The following VSIG10L2 variants were observed in gnomAD, a reference collection of about 807,000 sequenced individuals.
VSIG10L2 encodes the protein V-set and immunoglobulin domain-containing protein 10-like 2.
VSIG10L2 carries 56 observed loss-of-function variants against 67.1 expected under a neutral mutation model. The ratio of observed to expected loss-of-function variants is 0.83; its 90% CI spans 0.67 to 1.04. VSIG10L2 has a LOEUF of 1.04. Among genes scored for constraint, VSIG10L2 ranks in the 50% least tolerant of loss-of-function variants. The pLI, the probability that VSIG10L2 is intolerant of heterozygous loss-of-function variation, is 0.00. For synonymous variants in VSIG10L2, 360 were observed against 396.6 expected (o/e 0.91, Z 1.10); for missense variants, 843 against 932.8 (o/e 0.90, Z 1.25).
In VSIG10L2 at chr11:125,951,752, G is replaced by A; in HGVS notation, c.1235-61G>A. 5 of 1,424,414 alleles carry A rather than the reference G, an allele frequency of 3.5e-6. No individual in the cohort carries two copies. In the South Asian group the frequency reaches 4.4e-5, roughly 13 times the overall value. The allele number at this position is 1,424,414 out of a possible 1,614,324, so 88.2% of individuals were successfully genotyped here. A position where few individuals can be genotyped will look rare whatever the true frequency, so the allele number is the denominator to read the frequency against. On this transcript the variant is annotated intron_variant, in intron 5 of 11. Coordinates refer to ENST00000686984, the MANE Select transcript of VSIG10L2 (RefSeq NM_001365077.2). ...GGAACCAATGAAGGAAGGGGGATAG[G>A]GTGGAACTGCCAAGCCCTTCCTCCT...
In VSIG10L2 at chr11:125,956,032, C is replaced by T; in HGVS notation, c.*118C>T. ...GCTAAGACACCAACTACCACTTTCA[C>T]TTAATACCCAGTCTTCACAACTGGT... On this transcript the variant is annotated 3_prime_UTR_variant, in exon 12 of 12. Transcript: ENST00000686984. 1 of 673,382 alleles carries T rather than the reference C, an allele frequency of 1.5e-6. No homozygotes were observed. The highest frequency in any genetic ancestry group is 2.7e-6 in the Non-Finnish European group (1 of 371,768). 41.7% of individuals were successfully genotyped at this position (673,382 alleles called of 1,614,324 possible).
chr11:125,948,545 G>A lies in VSIG10L2; in HGVS notation c.674G>A (p.Arg225Lys). ...TGCAGCGCCAGCAACTCCGTGAACAGGCTGAGCAGTGACGGGGCCTTCCTG... is the reference window on the plus strand; with the variant it reads ...TGCAGCGCCAGCAACTCCGTGAACAAGCTGAGCAGTGACGGGGCCTTCCTG... ...YMCSASNSVNRLSSDGAFLDV... is the reference protein window; with the variant it reads ...YMCSASNSVNKLSSDGAFLDV... Residue 225 changes from arginine to lysine, a missense_variant, in exon 3 of 12, where the codon AGG becomes AAG. Transcript: ENST00000686984. The A allele has an allele frequency of 3.2e-6, 4 of 1,232,258 alleles. No homozygotes were observed. The highest frequency in any genetic ancestry group is 4.0e-6 in the Non-Finnish European group (4 of 988,048). 76.3% of individuals were successfully genotyped at this position (1,232,258 alleles called of 1,614,324 possible). A position where few individuals can be genotyped will look rare whatever the true frequency, so the allele number is the denominator to read the frequency against.
rs12797894 is a variant in VSIG10L2, at chr11:125,951,868, C to T, written c.1290C>T (p.Phe430=). The T allele has an allele frequency of 0.21, 315,842 of 1,531,464 alleles. 34,669 individuals carry two copies. The highest frequency in any genetic ancestry group is 0.22 in the Non-Finnish European group (254,872 of 1,143,816). 94.9% of individuals were successfully genotyped at this position (1,531,464 alleles called of 1,614,324 possible). A position where few individuals can be genotyped will look rare whatever the true frequency, so the allele number is the denominator to read the frequency against. Residue 430 remains phenylalanine (F), a synonymous_variant, in exon 6 of 12, where the codon TTC becomes TTT. Transcript: ENST00000686984. ...CWSTATMGDQ[F]IMLSCEWPGG... is the part of the protein sequence containing the mutation. Reference sequence around the variant, plus strand: ...GCACAGCCACAATGGGGGACCAGTTCATCATGCTGAGCTGCGAGTGGCCTG... The same window carrying T: ...GCACAGCCACAATGGGGGACCAGTTTATCATGCTGAGCTGCGAGTGGCCTG...
rs1945361084 is a variant in VSIG10L2, at chr11:125,951,011, TG to T, written c.1090del (p.Glu364LysfsTer70). Reference sequence around the variant, plus strand: ...GGGGCTTCCGCCTGCCCAACTGCAGTGGGAAGGGCCTCAGGGACCTGGCCCT... The same window carrying T: ...GGGGCTTCCGCCTGCCCAACTGCAGTGGAAGGGCCTCAGGGACCTGGCCCT... ...PGGLPPAQLQ[W>X]EGPQGPGPTA... On this transcript the variant is annotated frameshift_variant, in exon 5 of 12. Coordinates refer to ENST00000686984, the MANE Select transcript of VSIG10L2 (RefSeq NM_001365077.2). LOFTEE classifies it high-confidence loss of function. The T allele has an allele frequency of 8.1e-7, 1 of 1,232,344 alleles. No homozygotes were observed. The allele number at this position is 1,232,344 out of a possible 1,614,324, so 76.3% of individuals were successfully genotyped here. A position where few individuals can be genotyped will look rare whatever the true frequency, so the allele number is the denominator to read the frequency against.
In VSIG10L2 at chr11:125,955,868, C is replaced by T. The variant is rs1281003141; in HGVS notation, c.2336C>T (p.Thr779Met). ...TPGLDPAQET[T>M]DSPVNVTITV... Reference sequence around the variant, plus strand: ...GGTTTGGATCCTGCACAAGAAACCACGGATTCTCCAGTGAATGTCACCATC... The same window carrying T: ...GGTTTGGATCCTGCACAAGAAACCATGGATTCTCCAGTGAATGTCACCATC... Residue 779 changes from threonine to methionine, a missense_variant, in exon 12 of 12, where the codon ACG becomes ATG. By Grantham distance (81) the Thr-to-Met change is moderately conservative. Around this residue, in one of 2 missense-constraint regions of VSIG10L2, gnomAD observed 397 missense variants for 384.4 expected, o/e 1.03. Coordinates refer to ENST00000686984, the MANE Select transcript of VSIG10L2 (RefSeq NM_001365077.2). The T allele has an allele frequency of 3.0e-5, 21 of 694,806 alleles. 1 individual carries two copies. Among genetic ancestry groups the T allele is most frequent in the South Asian group, 9.2e-5 (6 of 65,110 alleles). The allele number at this position is 694,806 out of a possible 1,614,324, so 43.0% of individuals were successfully genotyped here.
Position 125,951,079 on chromosome 11 carries a change from G to A in VSIG10L2, c.1155G>A (p.Gln385=). The change falls in exon 5 of 12, where the codon CAG becomes CAA. Residue 385 remains glutamine, a synonymous_variant. Coordinates refer to ENST00000686984, the MANE Select transcript of VSIG10L2 (RefSeq NM_001365077.2). ...SNVTWSHAAA[Q]LPSGSVFTCT... ...TCACCTGGAGTCACGCAGCCGCCCAGCTCCCCAGTGGCAGCGTCTTCACCT... is the reference window on the plus strand; with the variant it reads ...TCACCTGGAGTCACGCAGCCGCCCAACTCCCCAGTGGCAGCGTCTTCACCT... 1 of 1,232,678 alleles carries A rather than the reference G, an allele frequency of 8.1e-7. No individual in the cohort carries two copies. The highest frequency in any genetic ancestry group is 3.2e-5 in the East Asian group (1 of 31,704). 76.4% of individuals were successfully genotyped at this position (1,232,678 alleles called of 1,614,324 possible).
rs1252098818 is a variant in VSIG10L2 at position 125,955,466 on chromosome 11, CT to C, written c.2207-12del. 1.3e-6 allele frequency: 1 copy of C among 747,714 alleles called. No individual in the cohort carries two copies. The highest frequency in any genetic ancestry group is 2.1e-6 in the Non-Finnish European group (1 of 471,432). The allele number at this position is 747,714 out of a possible 1,614,324, so 46.3% of individuals were successfully genotyped here. On this transcript the variant is annotated splice_polypyrimidine_tract_variant and intron_variant, in intron 9 of 11. Transcript: ENST00000686984. ...GGGCTGGCCAAGTAATGCTCCTTTT[CT>C]TTTCCTTCCTACAGGCCTTGGTCAA... is the stretch of plus-strand genomic sequence containing the variant.
chr11:125,951,045 C>T lies in VSIG10L2; in HGVS notation c.1121C>T (p.Pro374Leu). 8.1e-7 allele frequency: 1 copy of T among 1,232,492 alleles called. No homozygotes were observed. The highest frequency in any genetic ancestry group is 3.2e-5 in the East Asian group (1 of 31,712). 76.3% of individuals were successfully genotyped at this position (1,232,492 alleles called of 1,614,324 possible). The stretch of plus-strand genomic sequence containing the variant: ...CCTCAGGGACCTGGCCCTACTGCCC[C>T]CAGCAACGTCACCTGGAGTCACGCA... ...EGPQGPGPTA[P>L]SNVTWSHAAA... is the part of the protein sequence containing the mutation. Residue 374 changes from proline (P) to leucine (L), a missense_variant, in exon 5 of 12, where the codon CCC (proline) becomes CTC (leucine). Coordinates refer to ENST00000686984, the MANE Select transcript of VSIG10L2 (RefSeq NM_001365077.2).
Position 125,947,709 on chromosome 11 carries a change from G to A in VSIG10L2, c.106G>A (p.Ala36Thr), listed in dbSNP as rs1441940788. The A allele has an allele frequency of 1.6e-6, 2 of 1,232,210 alleles. No homozygotes were observed. Among genetic ancestry groups the A allele is most frequent in the East Asian group, 6.3e-5 (2 of 31,720 alleles). The allele number at this position is 1,232,210 out of a possible 1,614,324, so 76.3% of individuals were successfully genotyped here. The change falls in exon 2 of 12, where the codon GCC (alanine) becomes ACC (threonine). Residue 36 changes from alanine (A) to threonine (T), a missense_variant. By Grantham distance (58) the Ala-to-Thr change is moderately conservative (BLOSUM62 0). Around this residue, in one of 2 missense-constraint regions of VSIG10L2, gnomAD observed 446 missense variants for 548.4 expected, o/e 0.81. Coordinates refer to ENST00000686984, the MANE Select transcript of VSIG10L2 (RefSeq NM_001365077.2). ...ASGQPHPTPE[A>T]PVEEVVSVQG... is the part of the protein sequence containing the mutation. ...AGGCCAGCCCCACCCGACCCCCGAGGCCCCTGTAGAGGAGGTGGTGTCTGT... is the reference window on the plus strand; with the variant it reads ...AGGCCAGCCCCACCCGACCCCCGAGACCCCTGTAGAGGAGGTGGTGTCTGT...
At chr11:125,954,908 C>T (rs1565478585) in intron 8 of VSIG10L2, 149 bp from the exon 9 acceptor site, 1 of 845,926 alleles carries the variant, frequency 1.2e-6, no homozygotes, top group East Asian at 3.3e-5. Flanking sequence ...ACCTGATCTC[C>T]AGGATTCTCT....
Position 125,955,479 on chromosome 11 carries a change from C to A in VSIG10L2, c.2207-3C>A. The A allele has an allele frequency of 1.3e-6, 1 of 781,256 alleles. No individual in the cohort carries two copies. The highest frequency in any genetic ancestry group is 2.0e-6 in the Non-Finnish European group (1 of 494,624). 48.4% of individuals were successfully genotyped at this position (781,256 alleles called of 1,614,324 possible). On this transcript the variant is annotated splice_region_variant and splice_polypyrimidine_tract_variant and intron_variant, in intron 9 of 11. Transcript: ENST00000686984. ...AATGCTCCTTTTCTTTTCCTTCCTA[C>A]AGGCCTTGGTCAATTGCTTGTTCCC...
rs748872440 is a variant in VSIG10L2 at position 125,955,668 on chromosome 11, G to T, written c.2284+1G>T. 6.5e-7 allele frequency: 1 copy of T among 1,533,440 alleles called. No homozygotes were observed. The highest frequency in any genetic ancestry group is 2.0e-5 in the Admixed American group (1 of 50,936). The allele number at this position is 1,533,440 out of a possible 1,614,324, so 95.0% of individuals were successfully genotyped here. ...AGAGAAGATGCTGAGGCACCGGCAG[G>T]TAAGCACCTTATCCAGAAAAAGACG... is the stretch of plus-strand genomic sequence containing the variant. On this transcript the variant is annotated splice_donor_variant, in intron 11 of 11. Transcript: ENST00000686984. LOFTEE classifies it high-confidence loss of function.
chr11:125,948,766 G>A (rs902752375), intron 3 of VSIG10L2, among the ~76,000 whole-genome samples, 186 bp downstream of exon 3: 2 of 152,390 alleles, frequency 1.3e-5, no homozygotes, highest in African/African-American at 4.8e-5. Context: ...TCTAGTTCCA[G>A]GCTGTTAGCC....
chr11:125,952,052 C>T lies in VSIG10L2; in HGVS notation c.1474C>T (p.Pro492Ser). The T allele has an allele frequency of 6.5e-7, 1 of 1,534,768 alleles. No homozygotes were observed. Among genetic ancestry groups the T allele is most frequent in the Non-Finnish European group, 8.7e-7 (1 of 1,145,882 alleles). Reference protein sequence around the residue: ...RGTHLLRTPDPHCHLQLEAPQ... With the variant: ...RGTHLLRTPDSHCHLQLEAPQ... ...CACTCACCTGCTCAGGACCCCTGAC[C>T]CCCACTGCCACCTCCAGCTGGGTGA... Residue 492 changes from proline to serine, a missense_variant, in exon 6 of 12, where the codon CCC becomes TCC. Pro to Ser is a moderately conservative substitution (Grantham distance 74). Coordinates refer to ENST00000686984, the MANE Select transcript of VSIG10L2 (RefSeq NM_001365077.2).
rs1473640601 is a variant in VSIG10L2 at position 125,946,426 on chromosome 11, G to A, written c.82+289G>A. 6.6e-6 allele frequency among the ~76,000 whole-genome samples: 1 copy of A among 152,202 alleles called. No homozygotes were observed. Among genetic ancestry groups the A allele is most frequent in the Non-Finnish European group, 1.5e-5 (1 of 68,032 alleles). The stretch of plus-strand genomic sequence containing the variant: ...TTCAGAAAGCTCCCTGGTTTTGAGG[G>A]GGATTAGGGCAATCAGGAGATCATT... On this transcript the variant is annotated intron_variant, in intron 1 of 11. Coordinates refer to ENST00000686984, the MANE Select transcript of VSIG10L2 (RefSeq NM_001365077.2). This position sits in a 1 kb window ranked among gnomAD's most constrained non-coding sequence, Gnocchi z 4.4.
rs549187341 is a variant in VSIG10L2 at position 125,953,480 on chromosome 11, G to A, written c.1576G>A (p.Gly526Arg). ...GGCCTGGCTGGAGTGCTCTCTCCGC[G>A]GGGGCACACCACCTGCCCAGCTCCT... is the stretch of plus-strand genomic sequence containing the variant. ...GEAWLECSLR[G>R]GTPPAQLLWL... Residue 526 changes from glycine to arginine, a missense_variant, in exon 7 of 12, where the codon GGG becomes AGG. By Grantham distance (125) the Gly-to-Arg change is moderately radical. Transcript: ENST00000686984. 2.2e-4 allele frequency: 272 copies of A among 1,232,212 alleles called. No individual in the cohort carries two copies. The highest frequency in any genetic ancestry group is 2.5e-4 in the South Asian group (6 of 24,318). 76.3% of individuals were successfully genotyped at this position (1,232,212 alleles called of 1,614,324 possible).
rs1423569944 is a variant in VSIG10L2, at chr11:125,946,841, G to C, written c.82+704G>C. 6.6e-6 allele frequency among the ~76,000 whole-genome samples: 1 copy of C among 152,188 alleles called. No individual in the cohort carries two copies. Among genetic ancestry groups the C allele is most frequent in the Non-Finnish European group, 1.5e-5 (1 of 68,032 alleles). ...GCCTGAGCCACTGAGCCCGGCCCCA[G>C]AGACTTACTTTCATGCAAATTTGCT... On this transcript the variant is annotated intron_variant, in intron 1 of 11. Coordinates refer to ENST00000686984, the MANE Select transcript of VSIG10L2 (RefSeq NM_001365077.2). This position sits in a 1 kb window ranked among gnomAD's most constrained non-coding sequence, Gnocchi z 4.4.
Position 125,954,211 on chromosome 11 carries a change from G to A in VSIG10L2, c.1911G>A (p.Lys637=). 8.1e-7 allele frequency: 1 copy of A among 1,232,246 alleles called. No individual in the cohort carries two copies. Among genetic ancestry groups the A allele is most frequent in the East Asian group, 3.2e-5 (1 of 31,698 alleles). 76.3% of individuals were successfully genotyped at this position (1,232,246 alleles called of 1,614,324 possible). ...GNLTGFLVQR[K]ASALGPGAGA... ...TGACGGGCTTCCTGGTGCAGCGGAA[G>A]GCCAGTGCCCTGGGCCCAGGAGCTG... Residue 637 remains lysine (K), a synonymous_variant, in exon 8 of 12, where the codon AAG becomes AAA. Transcript: ENST00000686984.
intron 5 of VSIG10L2, among the ~76,000 whole-genome samples, 160 bp downstream of exon 5, chr11:125,951,318 C>T (rs657665): frequency 0.11 from 16,010 of 152,126 alleles, 974 homozygotes; most frequent in African/African-American, 0.15. Flanking sequence ...AGCTCTCAGT[C>T]CCCATCTCCC....
Sources: allele counts gnomAD v4.1 joint callset (sites outside exome capture counted in the v4.1 genomes callset), GRCh38; gene constraint gnomAD v4.1.1; regional missense constraint gnomAD v4.1.1; non-coding constraint Gnocchi (gnomAD v3.1); transcripts MANE v1.5; gene names NCBI Gene and HGNC (gene_info 2026-07-23, HGNC 2026-07-21).